Variants in UNC79 observed in about 807,000 individuals in gnomAD.
UNC79 encodes unc-79 subunit of NALCN channel complex, also known as protein unc-79 homolog.
Under a neutral mutation model 283.1 loss-of-function variants are expected in UNC79, and 37 were observed. The ratio of observed to expected loss-of-function variants is 0.13; its 90% CI spans 0.10 to 0.17. The LOEUF is 0.17. Among genes scored for constraint, UNC79 ranks in the 10% least tolerant of loss-of-function variants. The probability of loss-of-function intolerance (pLI) is 1.00; values close to 1 mark genes in which losing one functional copy is unlikely to be tolerated. For missense variants in UNC79, 2,272 were observed against 3,211.1 expected (o/e 0.71, Z 7.07); for synonymous variants, 1,107 against 1,200.2 (o/e 0.92, Z 1.61).
At chr14:93,422,798 T>A (rs2055628287) in intron 1 of UNC79, among the ~76,000 whole-genome samples, 1 of 152,036 alleles carries the variant, frequency 6.6e-6, no homozygotes, top group Non-Finnish European at 1.5e-5. Context: ...TGGTGGCTTA[T>A]GCCTGTAATC....
intron 4 of UNC79, among the ~76,000 whole-genome samples, chr14:93,479,814 T>C (rs2058030000): frequency 6.6e-6 from 1 of 152,116 alleles, no homozygotes; most frequent in Non-Finnish European, 1.5e-5. Flanking sequence ...AAAATTTTTT[T>C]GTAGAGATGG....
At chr14:93,339,939 G>A (rs996091183) in intron 1 of UNC79, among the ~76,000 whole-genome samples, 5 of 152,202 alleles carry the variant, frequency 3.3e-5, no homozygotes, top group African/African-American at 4.8e-5. Flanking sequence ...TAGAGTGAAC[G>A]GGAAGTAATA....
In UNC79 at chr14:93,542,835, T is replaced by C. The variant is rs1374827060; in HGVS notation, c.1755+139T>C. On this transcript the variant is annotated intron_variant, in intron 14 of 48. Coordinates refer to ENST00000555664, the Ensembl canonical transcript of UNC79. ...TTTAATTAATATAGCTAAATGAATTTAGTAACTGTATCTTGGATGATGTGC... is the reference window on the plus strand; with the variant it reads ...TTTAATTAATATAGCTAAATGAATTCAGTAACTGTATCTTGGATGATGTGC... 6.6e-6 allele frequency: 5 copies of C among 761,472 alleles called. No homozygotes were observed. In the African/African-American group the frequency reaches 7.0e-5, roughly 11 times the overall value. 47.2% of individuals were successfully genotyped at this position (761,472 alleles called of 1,614,324 possible).
chr14:93,420,061 A>C (rs1250128736), intron 1 of UNC79, among the ~76,000 whole-genome samples: 1 of 151,596 alleles, frequency 6.6e-6, no homozygotes, highest in Non-Finnish European at 1.5e-5. Flanking sequence ...CGAAGACCAC[A>C]AAACAACCAG....
At chr14:93,337,907 G>A (rs778831916) in intron 1 of UNC79, among the ~76,000 whole-genome samples, 1 of 152,094 alleles carries the variant, frequency 6.6e-6, no homozygotes, top group Non-Finnish European at 1.5e-5. Context: ...CTTGTGGTAT[G>A]TCTGGTCCAG....
At chr14:93,446,401 T>A (rs1280718470) in intron 1 of UNC79, among the ~76,000 whole-genome samples, 5 of 151,610 alleles carry the variant, frequency 3.3e-5, no homozygotes, top group African/African-American at 1.2e-4. Flanking sequence ...GTGGTTTTTT[T>A]TTTTTTTGGT....
chr14:93,646,592 T>C lies in UNC79; in HGVS notation c.6045-16T>C, dbSNP rs1566849013. 6.2e-7 allele frequency: 1 copy of C among 1,613,318 alleles called. No homozygotes were observed. Among genetic ancestry groups the C allele is most frequent in the Non-Finnish European group, 8.5e-7 (1 of 1,179,424 alleles). ...ACCTAAGATATTTGTGTGACTCTCT[T>C]TACTTTATTTCCTAGATTGGCATCC... On this transcript the variant is annotated splice_polypyrimidine_tract_variant and intron_variant, in intron 34 of 48. Transcript: ENST00000555664.
intron 35 of UNC79, 50 bp downstream of exon 38, chr14:93,646,696 A>G: frequency 1.3e-6 from 2 of 1,598,346 alleles, no homozygotes. Flanking sequence ...TCCTCTGTGC[A>G]TGTTCATCCT....
At chr14:93,444,753 A>T (rs1320323707) in intron 1 of UNC79, among the ~76,000 whole-genome samples, 1 of 152,016 alleles carries the variant, frequency 6.6e-6, no homozygotes, top group Non-Finnish European at 1.5e-5. Context: ...TTGTTTCTTC[A>T]TCTATTCTTA....
chr14:93,394,560 G>T (rs192381696), intron 1 of UNC79, among the ~76,000 whole-genome samples: 2 of 151,618 alleles, frequency 1.3e-5, no homozygotes, highest in African/African-American at 4.8e-5. Flanking sequence ...ACAGGCACCC[G>T]CCACTGCACC....
chr14:93,593,353 G>A (rs902219428), intron 22 of UNC79, among the ~76,000 whole-genome samples: 3 of 152,116 alleles, frequency 2.0e-5, no homozygotes, highest in Admixed American at 6.5e-5. Flanking sequence ...TAAAAATCAC[G>A]TATTACTCCA....
At chr14:93,534,964 C>T (rs1257458865) in intron 11 of UNC79, among the ~76,000 whole-genome samples, 2 of 152,140 alleles carry the variant, frequency 1.3e-5, no homozygotes, top group Non-Finnish European at 2.9e-5. Context: ...TGAGCTTGCC[C>T]TGGGTAGTTT....
chr14:93,685,566 A>C (rs1338351746), intron 42 of UNC79, among the ~76,000 whole-genome samples: 1 of 152,186 alleles, frequency 6.6e-6, no homozygotes, highest in Non-Finnish European at 1.5e-5. Context: ...GAAGAGAGAG[A>C]AGGTGATATA....
intron 40 of UNC79, among the ~76,000 whole-genome samples, chr14:93,664,779 C>A (rs114188298): frequency 0.02 from 3,084 of 152,196 alleles, 71 homozygotes; most frequent in African/African-American, 0.056. Flanking sequence ...AGTCAAATAA[C>A]ATTAGTGCTT....
chr14:93,567,648 T>A (rs2062971916), intron 14 of UNC79, among the ~76,000 whole-genome samples: 1 of 152,254 alleles, frequency 6.6e-6, no homozygotes, highest in Non-Finnish European at 1.5e-5. Flanking sequence ...TGTGAATTGT[T>A]TATTGCTCAA....
rs1296334604 is a variant in UNC79 at position 93,577,827 on chromosome 14, C to T, written c.2212-15C>T. 5 of 1,611,762 alleles carry T rather than the reference C, an allele frequency of 3.1e-6. No homozygotes were observed. The African/African-American group carries it at 6.7e-5, about 22-fold the overall frequency. On this transcript the variant is annotated splice_polypyrimidine_tract_variant and intron_variant, in intron 17 of 48. Transcript: ENST00000555664. ...CTGTGAGTTCATTTCTATGTGTTGCCATTCTTTCTTGTAGGTGAGTGTTGC... is the reference window on the plus strand; with the variant it reads ...CTGTGAGTTCATTTCTATGTGTTGCTATTCTTTCTTGTAGGTGAGTGTTGC...
chr14:93,685,301 C>T (rs902401149), intron 42 of UNC79, among the ~76,000 whole-genome samples: 1 of 152,172 alleles, frequency 6.6e-6, no homozygotes, highest in Non-Finnish European at 1.5e-5. Flanking sequence ...AACATAGTCT[C>T]CAGTCCTATT....
intron 5 of UNC79, among the ~76,000 whole-genome samples, chr14:93,491,402 A>G (rs1016989116): frequency 1.3e-5 from 2 of 152,088 alleles, no homozygotes; most frequent in South Asian, 2.1e-4. Flanking sequence ...TAATAAAACC[A>G]TTTATTTGGA....
chr14:93,462,519 T>C (rs1244052864), intron 1 of UNC79, among the ~76,000 whole-genome samples: 1 of 152,132 alleles, frequency 6.6e-6, no homozygotes, highest in Non-Finnish European at 1.5e-5. Flanking sequence ...GTTTGGCTGC[T>C]CTGAGGAGAA....
Sources: gnomAD v4.1 joint callset for allele counts (sites outside exome capture counted in the v4.1 genomes callset) on GRCh38, gnomAD v4.1.1 for gene constraint, MANE v1.5 for transcripts, NCBI Gene and HGNC (gene_info 2026-07-23, HGNC 2026-07-21) for gene names.